SLC12A1: variants seen among roughly 807,000 people sequenced by gnomAD.
SLC12A1 encodes solute carrier family 12 member 1.
SLC12A1 carries 89 observed loss-of-function variants against 130.4 expected under a neutral mutation model. That is an observed-to-expected ratio of 0.68 (90% CI 0.58 to 0.81). SLC12A1 has a LOEUF of 0.81. Among genes scored for constraint, SLC12A1 ranks in the 40% least tolerant of loss-of-function variants. The pLI, the probability that SLC12A1 is intolerant of heterozygous loss-of-function variation, is 0.00. For synonymous variants in SLC12A1, 499 were observed against 460.0 expected (o/e 1.08, Z -1.09); for missense variants, 1,310 against 1,336.4 (o/e 0.98, Z 0.31).
intron 8 of SLC12A1, among the ~76,000 whole-genome samples, chr15:48,234,565 A>G (rs554585212): frequency 6.6e-6 from 1 of 152,012 alleles, no homozygotes; most frequent in Non-Finnish European, 1.5e-5. Context: ...CCACATGGTG[A>G]AACCCCATCT....
In SLC12A1 at chr15:48,237,246, T is replaced by A. The variant is rs75925429; in HGVS notation, c.1215+2242T>A. Reference sequence around the variant, plus strand: ...GACATTTGAAACAGAAGGAATGGGATGTAAGAAGGCACCAAGAAAGATGCT... The same window carrying A: ...GACATTTGAAACAGAAGGAATGGGAAGTAAGAAGGCACCAAGAAAGATGCT... On this transcript the variant is annotated intron_variant, in intron 9 of 26. Coordinates refer to ENST00000380993, the MANE Select transcript of SLC12A1 (RefSeq NM_000338.3). 3,523 of 528,252 alleles carry A rather than the reference T, an allele frequency of 6.7e-3. 74 individuals carry two copies. The highest frequency in any genetic ancestry group is 0.05 in the East Asian group (1,618 of 32,610). The allele number at this position is 528,252 out of a possible 1,614,324, so 32.7% of individuals were successfully genotyped here.
chr15:48,250,674 C>CACACACA (rs1555383559), intron 14 of SLC12A1, among the ~76,000 whole-genome samples: 36 of 56,168 alleles, frequency 6.4e-4, no homozygotes, highest in South Asian at 4.7e-3. Context: ...AAAATGTCTG[C>CACACACA]CTCACACACA....
At chr15:48,294,693 G>A (rs2141123051) in intron 24 of SLC12A1, among the ~76,000 whole-genome samples, 1 of 152,158 alleles carries the variant, frequency 6.6e-6, no homozygotes, top group East Asian at 1.9e-4. Flanking sequence ...GCTCTAATTG[G>A]TAGAAATACA....
chr15:48,264,191 A>G (rs1266289314), intron 17 of SLC12A1, among the ~76,000 whole-genome samples: 1 of 152,226 alleles, frequency 6.6e-6, no homozygotes, highest in African/African-American at 2.4e-5. Context: ...ATGTTACTTT[A>G]AACCTGATTG....
At chr15:48,216,695 A>G (rs970611564) in intron 2 of SLC12A1, among the ~76,000 whole-genome samples, 2 of 152,230 alleles carry the variant, frequency 1.3e-5, no homozygotes, top group Non-Finnish European at 2.9e-5. Context: ...ATCAAACTAA[A>G]TAAATAGATC....
At chr15:48,263,930 C>T (rs1190477097) in intron 17 of SLC12A1, among the ~76,000 whole-genome samples, 3 of 152,038 alleles carry the variant, frequency 2.0e-5, no homozygotes, top group Admixed American at 6.6e-5. Flanking sequence ...TGGGCTCAAG[C>T]GATTTGCCCT....
At chr15:48,234,760 A>T in intron 8 of SLC12A1, 117 bp from the exon 9 acceptor site, 1 of 1,028,776 alleles carries the variant, frequency 9.7e-7, no homozygotes, top group South Asian at 1.5e-5. Context: ...CTCAAAAAAA[A>T]AAAAATTAGA....
intron 13 of SLC12A1, among the ~76,000 whole-genome samples, chr15:48,248,667 G>A (rs1006623795): frequency 2.6e-5 from 4 of 152,236 alleles, no homozygotes; most frequent in African/African-American, 4.8e-5. Context: ...GATAAAGGAT[G>A]ACGTCTCTAT....
chr15:48,225,244 C>T (rs1459838718), intron 4 of SLC12A1: 1 of 152,148 alleles, frequency 6.6e-6, no homozygotes, highest in Non-Finnish European at 1.5e-5. Context: ...AATTTAATTT[C>T]ATTCTTTCCA....
At chr15:48,285,049 G>A (rs992479728) in intron 20 of SLC12A1, 57 bp from the exon 21 acceptor site, 127 of 1,326,696 alleles carry the variant, frequency 9.6e-5, no homozygotes, top group Non-Finnish European at 1.3e-4. Flanking sequence ...TTATAAGATT[G>A]TTTCTAGAAA....
At chr15:48,277,338 A>T (rs2041963860) in intron 20 of SLC12A1, among the ~76,000 whole-genome samples, 1 of 152,174 alleles carries the variant, frequency 6.6e-6, no homozygotes. Context: ...AATTAAAAAA[A>T]AACCACTTCA....
chr15:48,221,870 A>G (rs899146662), intron 4 of SLC12A1, among the ~76,000 whole-genome samples: 3 of 152,344 alleles, frequency 2.0e-5, no homozygotes, highest in African/African-American at 7.2e-5. Context: ...ATAGCACTCC[A>G]GAAGGTATCT....
chr15:48,285,153 A>G lies in SLC12A1; in HGVS notation c.2533A>G (p.Ile845Val). The change falls in exon 21 of 27, where the codon ATC becomes GTC. Residue 845 changes from isoleucine to valine, a missense_variant. Ile to Val is a conservative substitution (Grantham distance 29). Transcript: ENST00000380993. ...GGAGAGACTAGCATTGGAAGCGACT[A>G]TCAAAGATAATGAGTGTGAAGAGGA... ...EQERLALEAT[I>V]KDNECEEESG... is the part of the protein sequence containing the mutation. 6.2e-7 allele frequency: 1 copy of G among 1,613,650 alleles called. No individual in the cohort carries two copies.
At chr15:48,242,367 A>C (rs1267433159) in intron 10 of SLC12A1, among the ~76,000 whole-genome samples, 3 of 152,210 alleles carry the variant, frequency 2.0e-5, no homozygotes, top group Admixed American at 6.5e-5. Context: ...CAAAGGGTAC[A>C]TCCCAGTCCT....
chr15:48,256,768 T>A (rs1375295658), intron 16 of SLC12A1, among the ~76,000 whole-genome samples: 1 of 151,814 alleles, frequency 6.6e-6, no homozygotes, highest in Non-Finnish European at 1.5e-5. Flanking sequence ...GGAACTATAA[T>A]TCAAGATGAG....
chr15:48,286,603 T>C (rs2042063167), intron 21 of SLC12A1, among the ~76,000 whole-genome samples: 1 of 152,248 alleles, frequency 6.6e-6, no homozygotes, highest in Admixed American at 6.5e-5. Flanking sequence ...GTCCTTATTA[T>C]GACAGCGGGA....
chr15:48,261,447 C>G (rs934668536), intron 17 of SLC12A1, among the ~76,000 whole-genome samples: 3 of 152,204 alleles, frequency 2.0e-5, no homozygotes, highest in African/African-American at 4.8e-5. Flanking sequence ...CATTACTATA[C>G]TGGTCTCTCC....
intron 17 of SLC12A1, among the ~76,000 whole-genome samples, chr15:48,264,238 C>G (rs148739870): frequency 5.6e-4 from 86 of 152,268 alleles, no homozygotes; most frequent in African/African-American, 2.1e-3. Flanking sequence ...TGGACTTTGA[C>G]CGGCTCTTAG....
At chr15:48,206,662 A>C (rs2040986979) in intron 1 of SLC12A1, among the ~76,000 whole-genome samples, 1 of 152,202 alleles carries the variant, frequency 6.6e-6, no homozygotes, top group Non-Finnish European at 1.5e-5. Flanking sequence ...GTTTTAAGAC[A>C]GGCCAGTACT....
Sources: gnomAD v4.1 joint callset for allele counts (sites outside exome capture counted in the v4.1 genomes callset) on GRCh38, gnomAD v4.1.1 for gene constraint, MANE v1.5 for transcripts, NCBI Gene and HGNC (gene_info 2026-07-23, HGNC 2026-07-21) for gene names.